The following GUCY1A2 variants were observed in gnomAD, a reference collection of about 807,000 sequenced individuals.
The protein encoded by GUCY1A2 is guanylate cyclase soluble subunit alpha-2.
GUCY1A2 carries 27 observed loss-of-function variants against 63.5 expected under a neutral mutation model. That is an observed-to-expected ratio of 0.43 (90% CI 0.31 to 0.59). GUCY1A2 has a LOEUF of 0.59. Among genes scored for constraint, GUCY1A2 ranks in the 20% least tolerant of loss-of-function variants. GUCY1A2 has a pLI of 0.11. For synonymous variants in GUCY1A2, 364 were observed against 343.5 expected, an observed-to-expected ratio of 1.06 and a Z score of -0.66; for missense variants, 768 against 913.3, an observed-to-expected ratio of 0.84 and a Z score of 2.05.
intron 6 of GUCY1A2, among the ~76,000 whole-genome samples, chr11:106,746,172 G>C (rs1863783962): frequency 6.6e-6 from 1 of 152,042 alleles, no homozygotes; most frequent in Admixed American, 6.6e-5. Flanking sequence ...AGCCTGGAGA[G>C]CAGTAGCTCA....
chr11:106,734,616 CATAAAA>C (rs1308574090), intron 6 of GUCY1A2, among the ~76,000 whole-genome samples: 2 of 152,026 alleles, frequency 1.3e-5, no homozygotes, highest in Non-Finnish European at 1.5e-5. Flanking sequence ...TCTAGTCACA[CATAAAA>C]AGAAAATATA....
chr11:107,004,304 G>A (rs1861645346), intron 1 of GUCY1A2, among the ~76,000 whole-genome samples: 1 of 152,132 alleles, frequency 6.6e-6, no homozygotes, highest in Non-Finnish European at 1.5e-5. Context: ...TGTCATCATA[G>A]GCAAGTTACT....
chr11:106,722,016 G>A (rs957397660), intron 6 of GUCY1A2, among the ~76,000 whole-genome samples: 1 of 152,140 alleles, frequency 6.6e-6, no homozygotes, highest in African/African-American at 2.4e-5. Context: ...AGTGGATTTT[G>A]TATTGAGTAG....
intron 4 of GUCY1A2, among the ~76,000 whole-genome samples, chr11:106,834,556 A>G (rs1488736499): frequency 2.0e-5 from 3 of 151,984 alleles, no homozygotes; most frequent in African/African-American, 7.2e-5. Flanking sequence ...ATTGTGCTAT[A>G]GGCAAAAAAT....
intron 3 of GUCY1A2, among the ~76,000 whole-genome samples, chr11:106,944,223 A>AAAAAAAAAAAAAAAAAC: frequency 7.2e-6 from 1 of 139,270 alleles, no homozygotes; most frequent in Non-Finnish European, 1.6e-5. Context: ...TCCAAAAAAA[A>AAAAAAAAAAAAAAAAAC]AAAAAAAAAA....
At chr11:106,792,807 C>G (rs1474441973) in intron 5 of GUCY1A2, among the ~76,000 whole-genome samples, 7 of 151,980 alleles carry the variant, frequency 4.6e-5, no homozygotes, top group Non-Finnish European at 1.0e-4. Flanking sequence ...GAATAAACTA[C>G]TTAAAATTAA....
intron 4 of GUCY1A2, among the ~76,000 whole-genome samples, chr11:106,914,257 G>A (rs1307453692): frequency 6.6e-6 from 1 of 151,906 alleles, no homozygotes; most frequent in Non-Finnish European, 1.5e-5. Context: ...AACTTAATGG[G>A]TCACACTATC....
At chr11:106,716,611 GC>G in intron 6 of GUCY1A2, among the ~76,000 whole-genome samples, 1 of 151,370 alleles carries the variant, frequency 6.6e-6, no homozygotes, top group African/African-American at 2.4e-5. Flanking sequence ...CCCGAGGTTA[GC>G]AAAAAAATTA....
chr11:106,943,688 ATTTG>A (rs1053207127), intron 3 of GUCY1A2, among the ~76,000 whole-genome samples: 5 of 152,202 alleles, frequency 3.3e-5, no homozygotes, highest in South Asian at 2.1e-4. Context: ...TCATCTAAGT[ATTTG>A]TTTGGTGAAT....
chr11:106,798,203 G>A (rs1300368446), intron 5 of GUCY1A2, among the ~76,000 whole-genome samples: 1 of 152,084 alleles, frequency 6.6e-6, no homozygotes, highest in Non-Finnish European at 1.5e-5. Flanking sequence ...ACCCTCCCAA[G>A]ACTAAACCAG....
rs111632720 is a variant in GUCY1A2 at position 106,837,652 on chromosome 11, G to A, written c.1207-27174C>T. 1.5e-3 allele frequency among the ~76,000 whole-genome samples: 227 copies of A among 151,744 alleles called. 1 individual carries two copies. The highest frequency in any genetic ancestry group is 4.6e-3 in the African/African-American group (191 of 41,420). On this transcript the variant is annotated intron_variant, in intron 4 of 7. Transcript: ENST00000526355. ...CATCTGCAAGTTTTTTCAAATTGTC[G>A]CAAATCTCCAAAACATTTTCCAATG... is the stretch of plus-strand genomic sequence containing the variant.
At chr11:106,789,997 C>A (rs1379531259) in intron 5 of GUCY1A2, among the ~76,000 whole-genome samples, 4 of 152,148 alleles carry the variant, frequency 2.6e-5, no homozygotes, top group African/African-American at 9.7e-5. Context: ...CTGCTGTAAC[C>A]ACTGCCTAGC....
At chr11:106,804,090 A>G (rs1021636405) in intron 5 of GUCY1A2, among the ~76,000 whole-genome samples, 1 of 152,240 alleles carries the variant, frequency 6.6e-6, no homozygotes, top group Non-Finnish European at 1.5e-5. Context: ...GCTAATTTCC[A>G]TAACATTTTA....
chr11:106,761,324 T>A (rs576378530), intron 6 of GUCY1A2, among the ~76,000 whole-genome samples: 1 of 152,340 alleles, frequency 6.6e-6, no homozygotes, highest in South Asian at 2.1e-4. Context: ...AGCTACTATA[T>A]AATTATCCTT....
At chr11:107,008,278 CAAAAAAAAAAA>C (rs60060457) in intron 1 of GUCY1A2, among the ~76,000 whole-genome samples, 7 of 95,464 alleles carry the variant, frequency 7.3e-5, no homozygotes, top group African/African-American at 9.4e-5. Flanking sequence ...GACTCCATCT[CAAAAAAAAAAA>C]AAAAAAAAAA....
At chr11:106,897,035 C>A (rs1489930613) in intron 4 of GUCY1A2, among the ~76,000 whole-genome samples, 2 of 152,024 alleles carry the variant, frequency 1.3e-5, no homozygotes, top group Non-Finnish European at 2.9e-5. Flanking sequence ...TACAAAATCC[C>A]ATTACTTTTC....
In GUCY1A2 at chr11:106,683,719, C is replaced by T. The variant is rs1291100291; in HGVS notation, c.*3830G>A. On this transcript the variant is annotated 3_prime_UTR_variant, in exon 8 of 8. Transcript: ENST00000526355. ...CTGAGTCATTCTCAAAATGACAAGA[C>T]AGAAACCTGTGTGTAAAAGTTTTAC... The T allele has an allele frequency of 4.5e-6, 1 of 223,954 alleles. No homozygotes were observed. The highest frequency in any genetic ancestry group is 8.9e-6 in the Non-Finnish European group (1 of 112,132). The allele number at this position is 223,954 out of a possible 1,614,324, so 13.9% of individuals were successfully genotyped here.
At chr11:106,909,463 A>G (rs1860262694) in intron 4 of GUCY1A2, among the ~76,000 whole-genome samples, 1 of 150,790 alleles carries the variant, frequency 6.6e-6, no homozygotes, top group Non-Finnish European at 1.5e-5. Context: ...AGAGACAGAA[A>G]AGTTCCCTTA....
At chr11:106,950,877 A>C (rs1860898071) in intron 3 of GUCY1A2, among the ~76,000 whole-genome samples, 1 of 151,846 alleles carries the variant, frequency 6.6e-6, no homozygotes, top group African/African-American at 2.4e-5. Context: ...CCCATCCTCT[A>C]AGTTCCCTGA....
Sources: gnomAD v4.1 joint callset for allele counts (sites outside exome capture counted in the v4.1 genomes callset) on GRCh38, gnomAD v4.1.1 for gene constraint, MANE v1.5 for transcripts, NCBI Gene and HGNC (gene_info 2026-07-23, HGNC 2026-07-21) for gene names.